Variants in TSPAN11 observed in about 807,000 individuals in gnomAD.
The protein encoded by TSPAN11 is tetraspanin 11, also known as tetraspanin-11.
In TSPAN11, 29 loss-of-function variants were observed where a neutral mutation model predicts 32.9. The observed-to-expected ratio is 0.88, with a 90% CI of 0.66 to 1.20. The LOEUF is 1.20. TSPAN11 is among the 50% of genes most tolerant of loss of function. TSPAN11 has a pLI of 0.00. For missense variants in TSPAN11, 283 were observed against 329.1 expected, an observed-to-expected ratio of 0.86 and a Z score of 1.08; for synonymous variants, 140 against 141.3, an observed-to-expected ratio of 0.99 and a Z score of 0.07.
intron 1 of TSPAN11, among the ~76,000 whole-genome samples, chr12:30,945,316 G>A (rs1938245354): frequency 6.6e-6 from 1 of 152,156 alleles, no homozygotes; most frequent in Non-Finnish European, 1.5e-5. Context: ...ATCCTCCATG[G>A]CTTCTGTCAG....
chr12:30,997,053 T>C (rs1939428480), downstream of TSPAN11: 1 of 152,150 alleles, frequency 6.6e-6, no homozygotes, highest in Non-Finnish European at 1.5e-5. Flanking sequence ...GCTCTGTCTG[T>C]TGAGACACAC....
At chr12:30,934,760 C>A (rs1027863583) in intron 1 of TSPAN11, among the ~76,000 whole-genome samples, 1 of 152,010 alleles carries the variant, frequency 6.6e-6, no homozygotes, top group Non-Finnish European at 1.5e-5. Flanking sequence ...ATTAGACACC[C>A]CTGCTCTACA....
chr12:30,936,406 T>C lies in TSPAN11; in HGVS notation c.-12+9610T>C, dbSNP rs897425481. Among the ~76,000 whole-genome samples the C allele has an allele frequency of 2.6e-5, 4 of 152,182 alleles. No individual in the cohort carries two copies. The South Asian group carries it at 8.3e-4, about 31-fold the overall frequency. ...AGCACCTAGCACATTGTGTGCCACG[T>C]AGTGAGGCCTCAGATGTTCAATGAA... On this transcript the variant is annotated intron_variant, in intron 1 of 7. Coordinates refer to ENST00000546076, the MANE Select transcript of TSPAN11 (RefSeq NM_001370302.1).
chr12:30,978,294 T>C, intron 3 of TSPAN11: 1 of 447,810 alleles, frequency 2.2e-6, no homozygotes, highest in Non-Finnish European at 4.0e-6. Flanking sequence ...TTGTCTTACT[T>C]ACGCTACCTG....
At chr12:30,933,673 TTGCAGCTCTAGTGGC>T (rs551021983) in intron 1 of TSPAN11, among the ~76,000 whole-genome samples, 77 of 152,086 alleles carry the variant, frequency 5.1e-4, no homozygotes, top group African/African-American at 1.7e-3. Context: ...CAAACAGTGG[TTGCAGCTCTAGTGGC>T]TGCAGCTCTA....
intron 1 of TSPAN11, among the ~76,000 whole-genome samples, chr12:30,951,377 G>A (rs942131730): frequency 5.9e-5 from 9 of 152,170 alleles, no homozygotes. Context: ...AATATTAGGG[G>A]AACCAGCAGT....
intron 1 of TSPAN11, among the ~76,000 whole-genome samples, chr12:30,934,632 A>AT (rs36120080): frequency 0.2 from 27,463 of 137,858 alleles, 3,020 homozygotes; most frequent in East Asian, 0.35. Context: ...ATATTATGAG[A>AT]TTTTTTTTTT....
intron 3 of TSPAN11, chr12:30,978,217 G>A (rs930735644): frequency 3.9e-6 from 1 of 255,888 alleles, no homozygotes; most frequent in African/African-American, 2.2e-5. Context: ...CCCTGTAGTT[G>A]CATTTGTAAC....
downstream of TSPAN11, among the ~76,000 whole-genome samples, chr12:31,000,758 A>G (rs1939470300): frequency 6.6e-6 from 1 of 152,246 alleles, no homozygotes; most frequent in African/African-American, 2.4e-5. Flanking sequence ...AGCTCAATAC[A>G]CACAAAAGAA....
At chr12:30,958,438 C>T (rs956698272) in intron 2 of TSPAN11, among the ~76,000 whole-genome samples, 3 of 152,102 alleles carry the variant, frequency 2.0e-5, no homozygotes, top group Non-Finnish European at 4.4e-5. Context: ...GCAGCAGCAC[C>T]TGATGCACGC....
At chr12:30,979,703 A>T in intron 5 of TSPAN11, 33 bp downstream of exon 5, 1 of 1,601,884 alleles carries the variant, frequency 6.2e-7, no homozygotes, top group Non-Finnish European at 8.6e-7. Context: ...TTGAAGGCCA[A>T]GCCCACAAGG....
the TSPAN11 span, among the ~76,000 whole-genome samples, chr12:31,001,684 G>A: frequency 7.2e-5 from 11 of 152,164 alleles, no homozygotes; most frequent in African/African-American, 2.4e-4. Context: ...GCTTTGCTGA[G>A]CACCAGTGGG....
At chr12:30,955,077 T>A (rs1320551904) in intron 2 of TSPAN11, 2 of 152,134 alleles carry the variant, frequency 1.3e-5, no homozygotes, top group Non-Finnish European at 2.9e-5. Flanking sequence ...TTGCTTAAGA[T>A]TGGGAAAGAC....
chr12:30,991,809 CAGG>C (rs1404022356), intron 7 of TSPAN11, 44 bp from the exon 8 acceptor site: 7 of 1,610,118 alleles, frequency 4.3e-6, no homozygotes, highest in Non-Finnish European at 6.0e-6. Flanking sequence ...CGGCAGCTTC[CAGG>C]AGTTCTGATT....
rs541036315 is a variant in TSPAN11 at position 30,986,447 on chromosome 12, T to C, written c.702+3297T>C. ...ACGTAGGAGCCCAGTACATAAACCATAGGAGGTGGAGCTGTTTCAGGCAGG... is the reference window on the plus strand; with the variant it reads ...ACGTAGGAGCCCAGTACATAAACCACAGGAGGTGGAGCTGTTTCAGGCAGG... On this transcript the variant is annotated intron_variant, in intron 7 of 7. Transcript: ENST00000546076. 1.5e-4 allele frequency among the ~76,000 whole-genome samples: 23 copies of C among 152,296 alleles called. No individual in the cohort carries two copies. In the South Asian group the frequency reaches 2.7e-3, roughly 18 times the overall value.
At chr12:30,973,333 T>G (rs1219415336) in intron 3 of TSPAN11, among the ~76,000 whole-genome samples, 1 of 152,162 alleles carries the variant, frequency 6.6e-6, no homozygotes, top group Non-Finnish European at 1.5e-5. Context: ...GACCATGCAA[T>G]GTGCTTGCAA....
chr12:30,973,966 C>T (rs1388736019), intron 3 of TSPAN11, among the ~76,000 whole-genome samples: 1 of 152,204 alleles, frequency 6.6e-6, no homozygotes, highest in African/African-American at 2.4e-5. Context: ...ACACTGAGAG[C>T]TCTTGGGTTG....
intron 3 of TSPAN11, among the ~76,000 whole-genome samples, chr12:30,964,825 C>G (rs769957886): frequency 6.6e-6 from 1 of 152,232 alleles, no homozygotes; most frequent in South Asian, 2.1e-4. Context: ...GTTGTGTTTA[C>G]ATTTGAGTTA....
At chr12:30,928,488 C>T (rs1937848740) in intron 1 of TSPAN11, among the ~76,000 whole-genome samples, 1 of 152,206 alleles carries the variant, frequency 6.6e-6, no homozygotes, top group Non-Finnish European at 1.5e-5. Context: ...CATCAAAAGT[C>T]ATGCACAGAC....
Sources: gnomAD v4.1 joint callset for allele counts (sites outside exome capture counted in the v4.1 genomes callset) on GRCh38, gnomAD v4.1.1 for gene constraint, MANE v1.5 for transcripts, NCBI Gene and HGNC (gene_info 2026-07-23, HGNC 2026-07-21) for gene names.